The following IMMP2L variants were observed in gnomAD, a reference collection of about 807,000 sequenced individuals.
The protein encoded by IMMP2L is inner mitochondrial membrane peptidase subunit 2, also known as mitochondrial inner membrane protease subunit 2.
Under a neutral mutation model 19.3 loss-of-function variants are expected in IMMP2L, and 18 were observed. The ratio of observed to expected loss-of-function variants is 0.93; its 90% CI spans 0.64 to 1.38. The LOEUF is 1.38. IMMP2L is among the 40% of genes most tolerant of loss of function. IMMP2L has a pLI of 0.00. For synonymous variants in IMMP2L, 76 were observed against 73.0 expected, an observed-to-expected ratio of 1.04 and a Z score of -0.21; for missense variants, 233 against 218.2, an observed-to-expected ratio of 1.07 and a Z score of -0.43.
intron 4 of IMMP2L, among the ~76,000 whole-genome samples, chr7:110,922,838 T>C (rs1814441075): frequency 6.6e-6 from 1 of 152,214 alleles, no homozygotes; most frequent in Non-Finnish European, 1.5e-5. Context: ...GTAATGTTTT[T>C]CTCATCAGAT....
intron 3 of IMMP2L, among the ~76,000 whole-genome samples, chr7:110,996,734 G>A (rs976805405): frequency 1.3e-4 from 20 of 151,530 alleles, no homozygotes; most frequent in Admixed American, 1.1e-3. Context: ...GCAATCGTAA[G>A]AAATGATACA....
At chr7:110,737,253 C>T (rs548148116) in intron 5 of IMMP2L, among the ~76,000 whole-genome samples, 1 of 152,248 alleles carries the variant, frequency 6.6e-6, no homozygotes, top group East Asian at 1.9e-4. Context: ...CTTAATTTCT[C>T]AATGGGGAGG....
intron 3 of IMMP2L, among the ~76,000 whole-genome samples, chr7:110,971,465 C>G (rs1820135816): frequency 6.6e-6 from 1 of 152,024 alleles, no homozygotes; most frequent in African/African-American, 2.4e-5. Context: ...TCAGACAGGC[C>G]AACATGCCAT....
intron 3 of IMMP2L, among the ~76,000 whole-genome samples, chr7:110,974,394 G>T (rs1820477547): frequency 1.3e-5 from 2 of 152,132 alleles, no homozygotes; most frequent in South Asian, 2.1e-4. Context: ...TGACCACATG[G>T]ATAGATATTT....
chr7:110,691,009 C>G (rs1021845082), intron 5 of IMMP2L, among the ~76,000 whole-genome samples: 1 of 151,966 alleles, frequency 6.6e-6, no homozygotes, highest in African/African-American at 2.4e-5. Context: ...GCCCAAATAG[C>G]CATAACAATC....
chr7:111,289,907 G>T (rs1313191574), intron 3 of IMMP2L, among the ~76,000 whole-genome samples: 1 of 151,834 alleles, frequency 6.6e-6, no homozygotes, highest in Non-Finnish European at 1.5e-5. Context: ...AAATTTAAAG[G>T]CCATTTGAAT....
intron 3 of IMMP2L, among the ~76,000 whole-genome samples, chr7:111,236,974 G>A (rs539860544): frequency 5.3e-5 from 8 of 152,148 alleles, no homozygotes; most frequent in African/African-American, 1.7e-4. Flanking sequence ...CATCTAGGCT[G>A]AAACATTCTA....
intron 5 of IMMP2L, among the ~76,000 whole-genome samples, chr7:110,839,777 T>C (rs1377160024): frequency 6.6e-6 from 1 of 152,042 alleles, no homozygotes; most frequent in African/African-American, 2.4e-5. Context: ...ATTAAATAAT[T>C]AATTGATTAA....
intron 3 of IMMP2L, among the ~76,000 whole-genome samples, chr7:111,290,496 C>T (rs1820964065): frequency 6.7e-6 from 1 of 150,244 alleles, no homozygotes; most frequent in Non-Finnish European, 1.5e-5. Context: ...GCATGATTGA[C>T]TTCTTTTTAA....
At chr7:111,084,914 A>G (rs1223742365) in intron 3 of IMMP2L, among the ~76,000 whole-genome samples, 1 of 152,198 alleles carries the variant, frequency 6.6e-6, no homozygotes. Flanking sequence ...TAAAGGGATG[A>G]TTGTTGTTAT....
chr7:111,525,099 A>T (rs896087981), intron 1 of IMMP2L, among the ~76,000 whole-genome samples: 1 of 152,182 alleles, frequency 6.6e-6, no homozygotes, highest in African/African-American at 2.4e-5. Flanking sequence ...ATAAACATAC[A>T]TAAGAGTTGT....
intron 1 of IMMP2L, among the ~76,000 whole-genome samples, chr7:111,540,372 T>C (rs1168795490): frequency 3.9e-5 from 6 of 152,166 alleles, no homozygotes; most frequent in African/African-American, 9.7e-5. Flanking sequence ...CATTGTGCAA[T>C]TGCAGAACGG....
At chr7:111,159,793 A>G (rs886284250) in intron 3 of IMMP2L, among the ~76,000 whole-genome samples, 3 of 152,172 alleles carry the variant, frequency 2.0e-5, no homozygotes, top group African/African-American at 4.8e-5. Flanking sequence ...TTTTGATAAT[A>G]TATTTTACTT....
intron 3 of IMMP2L, among the ~76,000 whole-genome samples, chr7:111,192,221 AAGATTATG>A (rs1481054858): frequency 6.6e-6 from 1 of 152,122 alleles, no homozygotes; most frequent in Non-Finnish European, 1.5e-5. Flanking sequence ...ATGCCCTGAA[AAGATTATG>A]AGATTATGAG....
chr7:111,220,118 T>G (rs2129620367), intron 3 of IMMP2L, among the ~76,000 whole-genome samples: 1 of 152,106 alleles, frequency 6.6e-6, no homozygotes. Flanking sequence ...TAATATTACA[T>G]TTTTCCAGGT....
chr7:111,375,722 C>T (rs1563116884), intron 3 of IMMP2L, among the ~76,000 whole-genome samples: 1 of 151,986 alleles, frequency 6.6e-6, no homozygotes, highest in East Asian at 1.9e-4. Context: ...TGGGGATTCA[C>T]CATGTTGGCC....
At chr7:111,009,592 A>G (rs946207167) in intron 3 of IMMP2L, among the ~76,000 whole-genome samples, 18 of 152,124 alleles carry the variant, frequency 1.2e-4, no homozygotes, top group African/African-American at 4.3e-4. Context: ...TTAATATGAG[A>G]AAATTTTAAA....
chr7:110,963,453 C>T (rs1328792824), intron 4 of IMMP2L, 47 bp downstream of exon 4: 2 of 1,323,776 alleles, frequency 1.5e-6, no homozygotes, highest in Non-Finnish European at 2.2e-6. Context: ...GGTAACAGAA[C>T]TCTAGATATT....
At chr7:110,767,256 T>C (rs1255610167) in intron 5 of IMMP2L, among the ~76,000 whole-genome samples, 3 of 152,248 alleles carry the variant, frequency 2.0e-5, no homozygotes, top group East Asian at 3.9e-4. Context: ...ATGGAAAAGA[T>C]TGATGACAGA....
Sources: allele counts gnomAD v4.1 joint callset (sites outside exome capture counted in the v4.1 genomes callset), GRCh38; gene constraint gnomAD v4.1.1; transcripts MANE v1.5; gene names NCBI Gene and HGNC (gene_info 2026-07-23, HGNC 2026-07-21).